Variants in OR52A1 observed in about 807,000 individuals in gnomAD.
OR52A1 encodes the protein olfactory receptor 52A1.
OR52A1 carries 14 observed loss-of-function variants against 14.3 expected under a neutral mutation model. The observed-to-expected ratio is 0.98, with a 90% CI of 0.65 to 1.54. OR52A1 has a LOEUF of 1.54. OR52A1 is among the 40% of genes most tolerant of loss of function. The pLI is 0.00. For synonymous variants in OR52A1, 151 were observed against 135.3 expected, an observed-to-expected ratio of 1.12 and a Z score of -0.80; for missense variants, 405 against 381.3, an observed-to-expected ratio of 1.06 and a Z score of -0.52.
In OR52A1 at chr11:5,152,018, C is replaced by T; in HGVS notation, c.352G>A (p.Val118Met). Residue 118 changes from valine (V) to methionine (M), a missense_variant, in exon 2 of 2, where the codon GTG becomes ATG. Transcript: ENST00000380367. ...TLQGIESGILVAMALDRYVAI... is the reference protein window; with the variant it reads ...TLQGIESGILMAMALDRYVAI... ...ACATAACGGTCCAGGGCCATGGCCA[C>T]AAGGATGCCTGACTCTATACCCTGC... is the stretch of plus-strand genomic sequence containing the variant. 2 of 1,614,084 alleles carry T rather than the reference C, an allele frequency of 1.2e-6. No individual in the cohort carries two copies. The highest frequency in any genetic ancestry group is 1.7e-6 in the Non-Finnish European group (2 of 1,179,996).
chr11:5,151,974 T>G lies in OR52A1; in HGVS notation c.396A>C (p.Leu132=). 3 of 1,614,078 alleles carry G rather than the reference T, an allele frequency of 1.9e-6. No individual in the cohort carries two copies. The highest frequency in any genetic ancestry group is 2.5e-6 in the Non-Finnish European group (3 of 1,180,000). ...GGTGGGTGAAGATGTTGGCATGTCT[T>G]AGTGGATAACAGATGGCCACATAAC... ...LDRYVAICYP[L]RHANIFTHQL... Residue 132 remains leucine (L), a synonymous_variant, in exon 2 of 2, where the codon CTA becomes CTC. Coordinates refer to ENST00000380367, the MANE Select transcript of OR52A1 (RefSeq NM_012375.3).
Position 5,152,268 on chromosome 11 carries a change from A to G in OR52A1, c.102T>C (p.Cys34=). The change falls in exon 2 of 2, where the codon TGT becomes TGC. Residue 34 remains cysteine (C), a synonymous_variant. Transcript: ENST00000380367. ...CAATCATAGCAATGAGATAAATGGC[A>G]CAGAATGGAATCCCAATCCAGCACT... ...SVQCWIGIPF[C]AIYLIAMIGN... is the part of the protein sequence containing the mutation. 1 of 1,614,142 alleles carries G rather than the reference A, an allele frequency of 6.2e-7. No homozygotes were observed. The highest frequency in any genetic ancestry group is 1.1e-5 in the South Asian group (1 of 91,086).
intron 1 of OR52A1, among the ~76,000 whole-genome samples, chr11:5,153,150 G>T (rs1257242577): frequency 6.6e-6 from 1 of 152,184 alleles, no homozygotes; most frequent in African/African-American, 2.4e-5. Context: ...AGAAGGAACT[G>T]CTAAGGGACA....
Position 5,151,919 on chromosome 11 carries a change from C to G in OR52A1, c.451G>C (p.Val151Leu), listed in dbSNP as rs77308879. 5.0e-6 allele frequency: 8 copies of G among 1,613,920 alleles called. No homozygotes were observed. The highest frequency in any genetic ancestry group is 1.7e-5 in the Admixed American group (1 of 59,994). The change falls in exon 2 of 2, where the codon GTA becomes CTA. Residue 151 changes from valine (V) to leucine (L), a missense_variant. Val to Leu is a conservative substitution (Grantham distance 32, BLOSUM62 1). Coordinates refer to ENST00000380367, the MANE Select transcript of OR52A1 (RefSeq NM_012375.3). ...GCTACAAGAATAGCAGCCCTGAGTA[C>G]GACCATAGTTCCTATCTGAATGACA... ...QLVIQIGTMVVLRAAILVAPC... is the reference protein window; with the variant it reads ...QLVIQIGTMVLLRAAILVAPC...
chr11:5,152,173 C>T lies in OR52A1; in HGVS notation c.197G>A (p.Gly66Asp), dbSNP rs771168705. 1.1e-5 allele frequency: 18 copies of T among 1,614,098 alleles called. 1 individual carries two copies. The South Asian group carries it at 2.0e-4, about 18-fold the overall frequency. The change falls in exon 2 of 2, where the codon GGC becomes GAC. Residue 66 changes from glycine to aspartate, a missense_variant. Gly to Asp is a moderately conservative substitution (Grantham distance 94). Transcript: ENST00000380367. ...TGCAATGTCTGTGGCTCCTAGCATG[C>T]CTAAGAAAATGTACAAGGGCTCATG... The part of the protein sequence containing the change: ...SLHEPLYIFL[G>D]MLGATDIALA...
chr11:5,151,242 T>A lies in OR52A1; in HGVS notation c.*189A>T, dbSNP rs1846535694. On this transcript the variant is annotated 3_prime_UTR_variant, in exon 2 of 2. Coordinates refer to ENST00000380367, the MANE Select transcript of OR52A1 (RefSeq NM_012375.3). Reference sequence around the variant, plus strand: ...ATTCACTACTTCACTCATTTCACACTTCTCACTTTCATTAGTCACGTAGAA... The same window carrying A: ...ATTCACTACTTCACTCATTTCACACATCTCACTTTCATTAGTCACGTAGAA... The A allele has an allele frequency of 1.6e-5, 9 of 557,068 alleles. 1 individual carries two copies. In the South Asian group the frequency reaches 2.2e-4, roughly 14 times the overall value. The allele number at this position is 557,068 out of a possible 1,614,324, so 34.5% of individuals were successfully genotyped here.
rs753846605 is a variant in OR52A1 at position 5,151,855 on chromosome 11, T to C, written c.515A>G (p.Tyr172Cys). 1 of 1,614,178 alleles carries C rather than the reference T, an allele frequency of 6.2e-7. No homozygotes were observed. Among genetic ancestry groups the C allele is most frequent in the South Asian group, 1.1e-5 (1 of 91,080 alleles). Residue 172 changes from tyrosine to cysteine, a missense_variant, in exon 2 of 2, where the codon TAT (tyrosine) becomes TGT (cysteine). By Grantham distance (194) the Tyr-to-Cys change is radical (BLOSUM62 -2). Transcript: ENST00000380367. The part of the protein sequence containing the change: ...LVLIKCRFQF[Y>C]HTTVISHSYC... ...GGAGTGGGAGATGACTGTTGTGTGA[T>C]AAAATTGAAACCGGCACTTTATCAG...
At position 5,151,538 on chromosome 11, in the gene OR52A1, G is replaced by C. The variant is rs979083122; in HGVS notation, c.832C>G (p.Leu278Val). The change falls in exon 2 of 2, where the codon CTC (leucine) becomes GTC (valine). Residue 278 changes from leucine to valine, a missense_variant. Transcript: ENST00000380367. ...GSHISPYIHI[L>V]FSSIYLLVPP... ...ACCAGCAAGTAAATGCTAGAAAAGA[G>C]AATATGGATATAAGGGGAGATGTGA... 1.1e-5 allele frequency: 18 copies of C among 1,613,060 alleles called. No homozygotes were observed. The Admixed American group carries it at 1.5e-4, about 13-fold the overall frequency.
chr11:5,154,710 G>A lies in OR52A1; in HGVS notation c.-585C>T, dbSNP rs944013893. ...ACCATCTTTGTGTGCTCATCCCCCA[G>A]TAAAACTCATAGTGAGGTCTGTAGC... On this transcript the variant is annotated 5_prime_UTR_variant, in exon 1 of 2. Coordinates refer to ENST00000380367, the MANE Select transcript of OR52A1 (RefSeq NM_012375.3). The A allele has an allele frequency of 6.6e-6, 1 of 152,156 alleles. No individual in the cohort carries two copies. Among genetic ancestry groups the A allele is most frequent in the African/African-American group, 2.4e-5 (1 of 41,424 alleles). 9.4% of individuals were successfully genotyped at this position (152,156 alleles called of 1,614,324 possible).
Position 5,152,264 on chromosome 11 carries a change from T to G in OR52A1, c.106A>C (p.Ile36Leu). The change falls in exon 2 of 2, where the codon ATT becomes CTT. Residue 36 changes from isoleucine (I) to leucine (L), a missense_variant. Coordinates refer to ENST00000380367, the MANE Select transcript of OR52A1 (RefSeq NM_012375.3). ...TTTCCAATCATAGCAATGAGATAAA[T>G]GGCACAGAATGGAATCCCAATCCAG... The part of the protein sequence containing the change: ...QCWIGIPFCA[I>L]YLIAMIGNSL... The G allele has an allele frequency of 6.2e-7, 1 of 1,614,126 alleles. No individual in the cohort carries two copies. Among genetic ancestry groups the G allele is most frequent in the Non-Finnish European group, 8.5e-7 (1 of 1,179,976 alleles).
rs1436638528 is a variant in OR52A1, at chr11:5,147,426, T to C, written c.*4005A>G. 2.0e-5 allele frequency: 3 copies of C among 152,168 alleles called. No individual in the cohort carries two copies. Among genetic ancestry groups the C allele is most frequent in the Non-Finnish European group, 2.9e-5 (2 of 68,018 alleles). The allele number at this position is 152,168 out of a possible 1,614,324, so 9.4% of individuals were successfully genotyped here. ...CCTTTATAATGTGCCTTCCAAGCAG[T>C]TGAAGGCCTGGATAGAACAAAAGAC... On this transcript the variant is annotated 3_prime_UTR_variant, in exon 2 of 2. Transcript: ENST00000380367.
chr11:5,148,698 G>A lies in OR52A1; in HGVS notation c.*2733C>T, dbSNP rs1445302045. ...TAAAGTCCTGAGCAATAAAGCCCTT[G>A]GAAATAATTCAATATTTACTCATCA... On this transcript the variant is annotated 3_prime_UTR_variant, in exon 2 of 2. Transcript: ENST00000380367. The A allele has an allele frequency of 2.6e-5, 4 of 151,748 alleles. No homozygotes were observed. The highest frequency in any genetic ancestry group is 9.7e-5 in the African/African-American group (4 of 41,264). 9.4% of individuals were successfully genotyped at this position (151,748 alleles called of 1,614,324 possible). A position where few individuals can be genotyped will look rare whatever the true frequency, so the allele number is the denominator to read the frequency against.
Position 5,147,074 on chromosome 11 carries a change from A to C in OR52A1, c.*4357T>G, listed in dbSNP as rs759066681. On this transcript the variant is annotated 3_prime_UTR_variant, in exon 2 of 2. Coordinates refer to ENST00000380367, the MANE Select transcript of OR52A1 (RefSeq NM_012375.3). ...CTGCTTAAGATTACTCTACATTTCT[A>C]GATTAAATTTAAGGAGAATTGATAT... 21 of 152,208 alleles carry C rather than the reference A, an allele frequency of 1.4e-4. No homozygotes were observed. The highest frequency in any genetic ancestry group is 4.6e-4 in the Admixed American group (7 of 15,280). The allele number at this position is 152,208 out of a possible 1,614,324, so 9.4% of individuals were successfully genotyped here. A position where few individuals can be genotyped will look rare whatever the true frequency, so the allele number is the denominator to read the frequency against.
Position 5,151,887 on chromosome 11 carries a change from G to T in OR52A1, c.483C>A (p.Cys161Ter), listed in dbSNP as rs564003156. The change falls in exon 2 of 2, where the codon TGC becomes TGA. Residue 161 changes from cysteine to a stop codon, truncating the protein, a stop_gained. Transcript: ENST00000380367. LOFTEE classifies it high-confidence loss of function. ...VLRAAILVAP[C>*]LVLIKCRFQF... is the part of the protein sequence containing the mutation. ...GAAACCGGCACTTTATCAGTACTAG[G>T]CATGGGGCTACAAGAATAGCAGCCC... The T allele has an allele frequency of 1.2e-6, 2 of 1,614,150 alleles. No homozygotes were observed. The highest frequency in any genetic ancestry group is 1.7e-6 in the Non-Finnish European group (2 of 1,180,028).
rs765754269 is a variant in OR52A1 at position 5,152,376 on chromosome 11, G to A, written c.-7C>T. ...TGATGTTGGAAATGGACATAGTGTC[G>A]TTGGGTCTCCTGATGCAAACAAAAG... On this transcript the variant is annotated 5_prime_UTR_variant, in exon 2 of 2. It adds an upstream start codon to the 5' untranslated region. Coordinates refer to ENST00000380367, the MANE Select transcript of OR52A1 (RefSeq NM_012375.3). 22 of 1,576,212 alleles carry A rather than the reference G, an allele frequency of 1.4e-5. No individual in the cohort carries two copies. The highest frequency in any genetic ancestry group is 5.3e-5 in the Admixed American group (3 of 56,720).
At position 5,148,771 on chromosome 11, in the gene OR52A1, A is replaced by C. The variant is rs1477944363; in HGVS notation, c.*2660T>G. On this transcript the variant is annotated 3_prime_UTR_variant, in exon 2 of 2. Coordinates refer to ENST00000380367, the MANE Select transcript of OR52A1 (RefSeq NM_012375.3). ...TAAATGGACACAAATTAGAAAAATG[A>C]ACAAAGGAAACAATGAAGTACTTCA... 4 of 152,212 alleles carry C rather than the reference A, an allele frequency of 2.6e-5. No individual in the cohort carries two copies. The highest frequency in any genetic ancestry group is 9.6e-5 in the African/African-American group (4 of 41,454). 9.4% of individuals were successfully genotyped at this position (152,212 alleles called of 1,614,324 possible). A position where few individuals can be genotyped will look rare whatever the true frequency, so the allele number is the denominator to read the frequency against.
intron 1 of OR52A1, among the ~76,000 whole-genome samples, chr11:5,153,624 T>C (rs1476619068): frequency 1.3e-5 from 2 of 152,184 alleles, no homozygotes; most frequent in South Asian, 4.1e-4. Flanking sequence ...TTACATATTT[T>C]GAATCAGTAC....
rs1846504046 is a variant in OR52A1, at chr11:5,148,281, A to C, written c.*3150T>G. On this transcript the variant is annotated 3_prime_UTR_variant, in exon 2 of 2. Transcript: ENST00000380367. ...CACTATGTCACCCAGGCTGGAGTGC[A>C]GTGGCACCATCTCGGGTCACCGCAA... 6.7e-6 allele frequency: 1 copy of C among 148,514 alleles called. No homozygotes were observed. The highest frequency in any genetic ancestry group is 1.5e-5 in the Non-Finnish European group (1 of 67,622). The allele number at this position is 148,514 out of a possible 1,614,324, so 9.2% of individuals were successfully genotyped here. A position where few individuals can be genotyped will look rare whatever the true frequency, so the allele number is the denominator to read the frequency against.
rs776976004 is a variant in OR52A1 at position 5,152,372 on chromosome 11, T to C, written c.-3A>G. ...ACTGTGATGTTGGAAATGGACATAGTGTCGTTGGGTCTCCTGATGCAAACA... is the reference window on the plus strand; with the variant it reads ...ACTGTGATGTTGGAAATGGACATAGCGTCGTTGGGTCTCCTGATGCAAACA... On this transcript the variant is annotated 5_prime_UTR_variant, in exon 2 of 2. Transcript: ENST00000380367. 6.3e-6 allele frequency: 10 copies of C among 1,581,396 alleles called. No individual in the cohort carries two copies. The South Asian group carries it at 1.1e-4, about 18-fold the overall frequency.
Sources: allele counts gnomAD v4.1 joint callset (sites outside exome capture counted in the v4.1 genomes callset), GRCh38; gene constraint gnomAD v4.1.1; transcripts MANE v1.5; gene names NCBI Gene and HGNC (gene_info 2026-07-23, HGNC 2026-07-21).